Variants in FSTL5 observed in about 807,000 individuals in gnomAD.
FSTL5 encodes follistatin-related protein 5.
In FSTL5, 62 loss-of-function variants were observed where a neutral mutation model predicts 89.1. The ratio of observed to expected loss-of-function variants is 0.70; its 90% CI spans 0.57 to 0.86. The LOEUF (loss-of-function observed/expected upper bound fraction) is 0.86, where lower values mean the gene tolerates loss of function less well. Ranked by LOEUF, FSTL5 falls within the 40% of genes least tolerant of loss-of-function variation. The pLI, the probability that FSTL5 is intolerant of heterozygous loss-of-function variation, is 0.00. For missense variants in FSTL5, 1,057 were observed against 1,001.6 expected, an observed-to-expected ratio of 1.06 and a Z score of -0.75; for synonymous variants, 383 against 346.2, an observed-to-expected ratio of 1.11 and a Z score of -1.18.
At chr4:161,490,882 A>T (rs1729848355) in intron 12 of FSTL5, among the ~76,000 whole-genome samples, 1 of 151,778 alleles carries the variant, frequency 6.6e-6, no homozygotes, top group Non-Finnish European at 1.5e-5. Context: ...CATGTATACC[A>T]TTGCTATGTT....
chr4:161,878,511 T>G (rs938068752), intron 4 of FSTL5, among the ~76,000 whole-genome samples: 3 of 152,058 alleles, frequency 2.0e-5, no homozygotes, highest in Non-Finnish European at 2.9e-5. Flanking sequence ...AAACAGATAA[T>G]AAGCTAAACT....
chr4:161,463,825 C>G (rs1047177341), intron 13 of FSTL5, among the ~76,000 whole-genome samples: 2 of 152,148 alleles, frequency 1.3e-5, no homozygotes, highest in Non-Finnish European at 2.9e-5. Context: ...CCGTCTTCCT[C>G]CCATACTTCA....
At chr4:161,725,728 T>C (rs1373932215) in intron 6 of FSTL5, among the ~76,000 whole-genome samples, 4 of 152,120 alleles carry the variant, frequency 2.6e-5, no homozygotes, top group Non-Finnish European at 4.4e-5. Context: ...ACCACCTCAA[T>C]TATAGAAATA....
chr4:161,491,213 G>A (rs549791264), intron 12 of FSTL5, among the ~76,000 whole-genome samples: 9 of 151,902 alleles, frequency 5.9e-5, no homozygotes, highest in Admixed American at 2.6e-4. Flanking sequence ...AACCTGAGCC[G>A]GTGATTTAGT....
chr4:162,012,906 G>A (rs1431144012), intron 3 of FSTL5, among the ~76,000 whole-genome samples: 2 of 152,032 alleles, frequency 1.3e-5, no homozygotes, highest in Non-Finnish European at 2.9e-5. Flanking sequence ...CTTCTCAGCT[G>A]GGCGTCGTGG....
intron 6 of FSTL5, among the ~76,000 whole-genome samples, chr4:161,754,045 TAAAAAAA>T (rs10649973): frequency 1.2e-5 from 1 of 85,062 alleles, no homozygotes; most frequent in African/African-American, 4.6e-5. Flanking sequence ...CCGTCTCAAT[TAAAAAAA>T]AAAAAAAAAA....
At chr4:161,660,051 A>C (rs1736652389) in intron 6 of FSTL5, among the ~76,000 whole-genome samples, 1 of 152,206 alleles carries the variant, frequency 6.6e-6, no homozygotes, top group Non-Finnish European at 1.5e-5. Flanking sequence ...GAGTGTTTTG[A>C]CACACTTCAA....
At chr4:161,729,378 C>A (rs1017686823) in intron 6 of FSTL5, among the ~76,000 whole-genome samples, 1 of 151,986 alleles carries the variant, frequency 6.6e-6, no homozygotes, top group Non-Finnish European at 1.5e-5. Context: ...TGTGCGAGAC[C>A]AAAATGCATA....
At chr4:161,798,565 CACATT>C (rs1729702828) in intron 4 of FSTL5, among the ~76,000 whole-genome samples, 1 of 151,208 alleles carries the variant, frequency 6.6e-6, no homozygotes, top group African/African-American at 2.4e-5. Context: ...CTGTGGTTCT[CACATT>C]ACAGTTAAAA....
At chr4:161,837,814 A>T (rs1046031869) in intron 4 of FSTL5, among the ~76,000 whole-genome samples, 1 of 152,166 alleles carries the variant, frequency 6.6e-6, no homozygotes, top group African/African-American at 2.4e-5. Flanking sequence ...CATCTTCTCT[A>T]TTATGCATTT....
intron 7 of FSTL5, among the ~76,000 whole-genome samples, chr4:161,597,745 A>G (rs1734078023): frequency 2.6e-5 from 4 of 152,080 alleles, no homozygotes; most frequent in Non-Finnish European, 4.4e-5. Context: ...TGTAGACCCA[A>G]TGCAATAGGT....
intron 12 of FSTL5, among the ~76,000 whole-genome samples, chr4:161,494,904 T>C (rs554714920): frequency 9.5e-4 from 145 of 151,942 alleles, no homozygotes; most frequent in Non-Finnish European, 1.8e-3. Flanking sequence ...TACAAAAAAT[T>C]GAAAAAAATT....
At chr4:161,393,314 A>C (rs1444800042) in intron 15 of FSTL5, among the ~76,000 whole-genome samples, 1 of 152,080 alleles carries the variant, frequency 6.6e-6, no homozygotes, top group African/African-American at 2.4e-5. Context: ...TCTAGATACC[A>C]TATGACCAAA....
chr4:161,423,247 G>A (rs553968565), intron 15 of FSTL5, among the ~76,000 whole-genome samples: 1 of 152,210 alleles, frequency 6.6e-6, no homozygotes, highest in South Asian at 2.1e-4. Flanking sequence ...ACAGTGTTGA[G>A]TTTAGTATAA....
At chr4:161,770,692 A>T (rs1579079746) in intron 5 of FSTL5, among the ~76,000 whole-genome samples, 1 of 151,958 alleles carries the variant, frequency 6.6e-6, no homozygotes, top group Non-Finnish European at 1.5e-5. Flanking sequence ...GCAAGAAAAA[A>T]ACTGCATGAA....
chr4:161,672,537 G>A (rs1737152888), intron 6 of FSTL5, among the ~76,000 whole-genome samples: 1 of 151,956 alleles, frequency 6.6e-6, no homozygotes, highest in Admixed American at 6.6e-5. Context: ...ATGCTTAAGA[G>A]AGAGTTTACA....
chr4:161,552,266 A>G (rs868058510), intron 8 of FSTL5, among the ~76,000 whole-genome samples: 15 of 152,012 alleles, frequency 9.9e-5, no homozygotes, highest in Middle Eastern at 3.4e-3. Flanking sequence ...CAGAATAGAT[A>G]TTAATAACAA....
intron 3 of FSTL5, among the ~76,000 whole-genome samples, chr4:162,031,384 A>T (rs561353202): frequency 1.3e-5 from 2 of 152,336 alleles, no homozygotes; most frequent in South Asian, 4.1e-4. Context: ...AATAATTAGT[A>T]ATCAATGAAT....
At position 161,708,983 on chromosome 4, in the gene FSTL5, C is replaced by T. The variant is rs140353380; in HGVS notation, c.727+50428G>A. Among the ~76,000 whole-genome samples, 25 of 152,156 alleles carry T rather than the reference C, an allele frequency of 1.6e-4. No individual in the cohort carries two copies. The East Asian group carries it at 4.8e-3, about 29-fold the overall frequency. On this transcript the variant is annotated intron_variant, in intron 6 of 15. Coordinates refer to ENST00000306100, the MANE Select transcript of FSTL5 (RefSeq NM_020116.5). ...GTTTTATATCATAACTGTTGTAATA[C>T]CATTTAAATTTATGCAAAATCTAAT...
Sources: gnomAD v4.1 joint callset for allele counts (sites outside exome capture counted in the v4.1 genomes callset) on GRCh38, gnomAD v4.1.1 for gene constraint, MANE v1.5 for transcripts, NCBI Gene and HGNC (gene_info 2026-07-23, HGNC 2026-07-21) for gene names.